ZNF676: variants seen among roughly 807,000 people sequenced by gnomAD.
ZNF676 encodes zinc finger protein 676.
ZNF676 carries 4 observed loss-of-function variants against 6.0 expected under a neutral mutation model. The observed-to-expected ratio is 0.67, with a 90% CI of 0.33 to 1.53. The LOEUF (loss-of-function observed/expected upper bound fraction) is 1.53, where lower values mean the gene tolerates loss of function less well. ZNF676 is among the 40% of genes most tolerant of loss of function. The pLI, the probability that ZNF676 is intolerant of heterozygous loss-of-function variation, is 0.06. For missense variants in ZNF676, 644 were observed against 679.7 expected, an observed-to-expected ratio of 0.95 and a Z score of 0.58; for synonymous variants, 198 against 223.1, an observed-to-expected ratio of 0.89 and a Z score of 1.00.
chr19:22,218,500 AT>A (rs142770128), upstream of ZNF676, among the ~76,000 whole-genome samples: 4,237 of 136,068 alleles, frequency 0.031, 169 homozygotes, highest in African/African-American at 0.096. Flanking sequence ...ACCCAGCTAA[AT>A]TTTTTTTTTT....
At position 22,193,093 on chromosome 19, in the gene ZNF676, G is replaced by A; in HGVS notation, c.53C>T (p.Pro18Leu). 6.2e-7 allele frequency: 1 copy of A among 1,601,952 alleles called. No homozygotes were observed. The highest frequency in any genetic ancestry group is 8.5e-7 in the Non-Finnish European group (1 of 1,175,884). Residue 18 changes from proline to leucine, a missense_variant, in exon 2 of 3, where the codon CCA becomes CTA. Pro to Leu is a moderately conservative substitution (Grantham distance 98). Transcript: ENST00000397121. The part of the protein sequence containing the change: ...LVFLGIAAFK[P>L]DLIIFLEQGK... ...TTGCTCCAGAAAAATGATCAGGTCT[G>A]GCTTAAAGGCAGCAATACCTGTTTT...
At chr19:22,183,094 A>G (rs2023783838) in intron 2 of ZNF676, among the ~76,000 whole-genome samples, 1 of 152,072 alleles carries the variant, frequency 6.6e-6, no homozygotes, top group African/African-American at 2.4e-5. Context: ...TAGAGGTTTT[A>G]TGTAATCCCC....
the ZNF676 span, among the ~76,000 whole-genome samples, chr19:22,251,482 T>C: frequency 6.6e-6 from 1 of 152,036 alleles, no homozygotes; most frequent in African/African-American, 2.4e-5. Context: ...ACAAGAGAGA[T>C]GGGTAATATA....
chr19:22,231,002 C>CA, the ZNF676 span, among the ~76,000 whole-genome samples: 1 of 150,966 alleles, frequency 6.6e-6, no homozygotes, highest in Non-Finnish European at 1.5e-5. Flanking sequence ...TATTCACATA[C>CA]AAAAAAATGA....
chr19:22,249,186 G>A, the ZNF676 span, among the ~76,000 whole-genome samples: 153 of 152,230 alleles, frequency 1.0e-3, no homozygotes, highest in Non-Finnish European at 2.0e-3. Context: ...TTACATGCAA[G>A]GTGTGTAAGA....
intron 1 of ZNF676, 142 bp downstream of exon 1, chr19:22,196,458 T>A: frequency 6.6e-7 from 1 of 1,506,872 alleles, no homozygotes; most frequent in Non-Finnish European, 9.1e-7. Flanking sequence ...AAGCAAGGAG[T>A]CCACGACCCC....
chr19:22,245,510 C>A, the ZNF676 span, among the ~76,000 whole-genome samples: 2 of 145,364 alleles, frequency 1.4e-5, no homozygotes, highest in Admixed American at 1.3e-4. Flanking sequence ...CAATGCCCCC[C>A]CCCCCACCCC....
intron 2 of ZNF676, among the ~76,000 whole-genome samples, chr19:22,190,324 C>T (rs185643964): frequency 1.2e-3 from 182 of 151,946 alleles, no homozygotes; most frequent in African/African-American, 4.1e-3. Flanking sequence ...ACAAAACACT[C>T]GAGCACGCTC....
the ZNF676 span, among the ~76,000 whole-genome samples, chr19:22,234,466 T>C: frequency 3.3e-5 from 5 of 152,154 alleles, 1 homozygote; most frequent in Admixed American, 3.3e-4. Flanking sequence ...ATGACCCACT[T>C]TGTGGTTAGA....
In ZNF676 at chr19:22,180,201, T is replaced by C. The variant is rs1449825953; in HGVS notation, c.1516A>G (p.Lys506Glu). Residue 506 changes from lysine (K) to glutamate (E), a missense_variant, in exon 3 of 3, where the codon AAA (lysine) becomes GAA (glutamate). By Grantham distance (56) the Lys-to-Glu change is moderately conservative. Around this residue, in one of 5 missense-constraint regions of ZNF676, gnomAD observed 306 missense variants for 265.4 expected, o/e 1.15. Transcript: ENST00000397121. ...KIIHTGEKRY[K>E]CEECGKAFSW... ...AAGGCTTTGCCACATTCTTCACATT[T>C]GTAGCGTTTCTCTCCAGTATGAATT... is the stretch of plus-strand genomic sequence containing the variant. 6.2e-7 allele frequency: 1 copy of C among 1,613,534 alleles called. No individual in the cohort carries two copies. The highest frequency in any genetic ancestry group is 8.5e-7 in the Non-Finnish European group (1 of 1,179,884).
intron 1 of ZNF676, among the ~76,000 whole-genome samples, chr19:22,193,556 A>T (rs1157458858): frequency 6.6e-6 from 1 of 152,112 alleles, no homozygotes; most frequent in Non-Finnish European, 1.5e-5. Flanking sequence ...AAGAATTAAA[A>T]AGATAATTTC....
In ZNF676 at chr19:22,179,618, G is replaced by T. The variant is rs2023697789; in HGVS notation, c.*332C>A. 1 of 518,024 alleles carries T rather than the reference G, an allele frequency of 1.9e-6. No individual in the cohort carries two copies. Among genetic ancestry groups the T allele is most frequent in the East Asian group, 4.0e-5 (1 of 24,978 alleles). The allele number at this position is 518,024 out of a possible 1,614,324, so 32.1% of individuals were successfully genotyped here. ...CTTTGCCACGTTTTTCACATTTGTA[G>T]GGCTTTTCCTCCAGTATGAATTCTT... On this transcript the variant is annotated 3_prime_UTR_variant, in exon 3 of 3. Transcript: ENST00000397121.
Position 22,212,132 on chromosome 19 carries a change from G to A in ZNF676, c.3+3500C>T, listed in dbSNP as rs184799430. 4.1e-3 allele frequency among the ~76,000 whole-genome samples: 599 copies of A among 145,760 alleles called. 5 individuals are homozygous for A. The highest frequency in any genetic ancestry group is 0.015 in the African/African-American group (570 of 39,172). ...GGAGAATGGTGTGAACCTGGGAGGCGAAGCTTGCAGCGAGCCGAGATCCCA... is the reference window on the plus strand; with the variant it reads ...GGAGAATGGTGTGAACCTGGGAGGCAAAGCTTGCAGCGAGCCGAGATCCCA... On this transcript the variant is annotated intron_variant, in intron 1 of 3. Coordinates refer to the ZNF676 transcript ENST00000650058.
At chr19:22,200,167 A>G (rs1315002349), upstream of ZNF676, among the ~76,000 whole-genome samples, 1 of 152,102 alleles carries the variant, frequency 6.6e-6, no homozygotes, top group Non-Finnish European at 1.5e-5. Flanking sequence ...CTGAGTTTGT[A>G]TAATTTTAAT....
intron 1 of ZNF676, among the ~76,000 whole-genome samples, chr19:22,208,927 T>A (rs559024623): frequency 5.3e-4 from 80 of 152,128 alleles, no homozygotes; most frequent in African/African-American, 1.6e-3. Context: ...GGAAAGAAAG[T>A]GAGACCCTGT....
chr19:22,225,827 A>G, the ZNF676 span, among the ~76,000 whole-genome samples: 1 of 152,152 alleles, frequency 6.6e-6, no homozygotes, highest in Non-Finnish European at 1.5e-5. Context: ...AGTTGCTTAT[A>G]TATTCTGAAT....
the ZNF676 span, among the ~76,000 whole-genome samples, chr19:22,246,921 TTTTG>T: frequency 4.6e-5 from 7 of 152,238 alleles, no homozygotes; most frequent in South Asian, 8.3e-4. Flanking sequence ...GAGCAGCTTT[TTTTG>T]TTTGTTTGTT....
chr19:22,240,191 A>G, the ZNF676 span, among the ~76,000 whole-genome samples: 1 of 152,082 alleles, frequency 6.6e-6, no homozygotes, highest in Admixed American at 6.5e-5. Flanking sequence ...ATATGTATCA[A>G]TGACACCTGT....
chr19:22,193,836 G>T lies in ZNF676; in HGVS notation c.35-725C>A, dbSNP rs187164445. On this transcript the variant is annotated intron_variant, in intron 1 of 2. Transcript: ENST00000397121. Reference sequence around the variant, plus strand: ...TCCTGTACAGTTTAAATTACTGAAAGAATTAAAAGCTAGTGTGGTTAATAA... The same window carrying T: ...TCCTGTACAGTTTAAATTACTGAAATAATTAAAAGCTAGTGTGGTTAATAA... Among the ~76,000 whole-genome samples the T allele has an allele frequency of 2.6e-5, 4 of 152,236 alleles. No individual in the cohort carries two copies. The East Asian group carries it at 7.7e-4, about 29-fold the overall frequency.
Sources: gnomAD v4.1 joint callset for allele counts (sites outside exome capture counted in the v4.1 genomes callset) on GRCh38, gnomAD v4.1.1 for gene constraint, gnomAD v4.1.1 regional missense constraint, MANE v1.5 for transcripts, NCBI Gene and HGNC (gene_info 2026-07-23, HGNC 2026-07-21) for gene names.